The following LRFN5 variants were observed in gnomAD, a reference collection of about 807,000 sequenced individuals.
The protein encoded by LRFN5 is leucine rich repeat and fibronectin type III domain containing 5.
Under a neutral mutation model 45.6 loss-of-function variants are expected in LRFN5, and 24 were observed. The ratio of observed to expected loss-of-function variants is 0.53; its 90% CI spans 0.38 to 0.74. LRFN5 has a LOEUF of 0.74. Ranked by LOEUF, LRFN5 falls within the 30% of genes least tolerant of loss-of-function variation. The pLI, the probability that LRFN5 is intolerant of heterozygous loss-of-function variation, is 0.00. For missense variants in LRFN5, 776 were observed against 861.5 expected (o/e 0.90, Z 1.24); for synonymous variants, 340 against 313.8 (o/e 1.08, Z -0.88).
At chr14:41,729,318 A>G (rs1884069847) in intron 1 of LRFN5, among the ~76,000 whole-genome samples, 1 of 152,014 alleles carries the variant, frequency 6.6e-6, no homozygotes, top group African/African-American at 2.4e-5. Flanking sequence ...TCTTGCTCCC[A>G]TTCTTGCCAT....
At chr14:41,828,142 A>C (rs1233115174) in intron 2 of LRFN5, among the ~76,000 whole-genome samples, 1 of 152,022 alleles carries the variant, frequency 6.6e-6, no homozygotes, top group African/African-American at 2.4e-5. Flanking sequence ...ACTTTATGTC[A>C]GTAGAACAGA....
At chr14:41,799,961 A>G (rs967784840) in intron 2 of LRFN5, among the ~76,000 whole-genome samples, 1 of 152,034 alleles carries the variant, frequency 6.6e-6, no homozygotes, top group Non-Finnish European at 1.5e-5. Context: ...AAAGGGAAAG[A>G]AAAAGGAAAA....
At chr14:41,614,160 T>G (rs1347996945) in intron 1 of LRFN5, among the ~76,000 whole-genome samples, 1 of 152,102 alleles carries the variant, frequency 6.6e-6, no homozygotes, top group East Asian at 1.9e-4. Context: ...TTGAATGGTT[T>G]ATTTGCACTT....
intron 2 of LRFN5, among the ~76,000 whole-genome samples, chr14:41,884,287 A>G (rs551633678): frequency 3.4e-4 from 52 of 152,300 alleles, no homozygotes; most frequent in African/African-American, 1.2e-3. Flanking sequence ...TTGTTGTTTT[A>G]TATATTTTTG....
intron 1 of LRFN5, among the ~76,000 whole-genome samples, chr14:41,739,776 TGG>T: frequency 6.8e-6 from 1 of 146,252 alleles, no homozygotes; most frequent in Non-Finnish European, 1.5e-5. Flanking sequence ...AAAGTAAAAT[TGG>T]GGTTTTTTCA....
chr14:41,860,742 A>G (rs1889632376), intron 2 of LRFN5, among the ~76,000 whole-genome samples: 1 of 152,210 alleles, frequency 6.6e-6, no homozygotes, highest in Admixed American at 6.5e-5. Flanking sequence ...AGAAAGACAG[A>G]GAATTGTAAC....
At chr14:41,645,923 A>G (rs866114680) in intron 1 of LRFN5, among the ~76,000 whole-genome samples, 2 of 152,312 alleles carry the variant, frequency 1.3e-5, no homozygotes, top group Middle Eastern at 3.4e-3. Context: ...CTTCATGAAA[A>G]TTAACCCTTC....
chr14:41,882,797 G>T (rs1347621489), intron 2 of LRFN5, among the ~76,000 whole-genome samples: 1 of 146,086 alleles, frequency 6.8e-6, no homozygotes, highest in African/African-American at 2.5e-5. Flanking sequence ...CGATGTCCTA[G>T]TTTCTTTTTT....
At chr14:41,719,893 T>C (rs919904583) in intron 1 of LRFN5, among the ~76,000 whole-genome samples, 1 of 152,072 alleles carries the variant, frequency 6.6e-6, no homozygotes, top group Non-Finnish European at 1.5e-5. Context: ...CTATAAACTT[T>C]CCTCATATAT....
intron 1 of LRFN5, among the ~76,000 whole-genome samples, chr14:41,695,583 T>A (rs1485226107): frequency 1.3e-5 from 2 of 151,956 alleles, no homozygotes; most frequent in Non-Finnish European, 1.5e-5. Flanking sequence ...ATTCTGCAAA[T>A]CCTAAAGCCA....
chr14:41,846,110 A>T (rs1267378649), intron 2 of LRFN5, among the ~76,000 whole-genome samples: 1 of 152,106 alleles, frequency 6.6e-6, no homozygotes, highest in Admixed American at 6.6e-5. Context: ...AAATCCAGCA[A>T]ACTCAAAACT....
intron 5 of LRFN5, among the ~76,000 whole-genome samples, chr14:41,900,962 G>A (rs755764476): frequency 2.6e-5 from 4 of 152,060 alleles, no homozygotes; most frequent in Non-Finnish European, 5.9e-5. Context: ...CAGTCATACT[G>A]AGGTACCTGT....
intron 1 of LRFN5, among the ~76,000 whole-genome samples, chr14:41,668,073 G>A (rs1002166215): frequency 1.3e-5 from 2 of 152,154 alleles, no homozygotes; most frequent in African/African-American, 2.4e-5. Context: ...GGCAATAACA[G>A]TATCTTGCTT....
intron 1 of LRFN5, among the ~76,000 whole-genome samples, chr14:41,612,390 G>T (rs1887787291): frequency 6.6e-6 from 1 of 152,148 alleles, no homozygotes; most frequent in South Asian, 2.1e-4. Flanking sequence ...TTATTTCAGT[G>T]ATTTTTATTT....
intron 1 of LRFN5, among the ~76,000 whole-genome samples, chr14:41,716,407 C>T (rs1883497659): frequency 6.6e-6 from 1 of 152,066 alleles, no homozygotes; most frequent in Admixed American, 6.6e-5. Context: ...AACTGACTGC[C>T]TTTAACAGCA....
intron 1 of LRFN5, among the ~76,000 whole-genome samples, chr14:41,667,940 A>G (rs1414905502): frequency 6.6e-6 from 1 of 152,154 alleles, no homozygotes; most frequent in Non-Finnish European, 1.5e-5. Flanking sequence ...AGATCCCTGC[A>G]TACCAAACCT....
chr14:41,732,950 A>T lies in LRFN5; in HGVS notation c.-196-33904A>T, dbSNP rs1034493709. Reference sequence around the variant, plus strand: ...AAGTACCAGAAAAGAAAAGAAAAAAATTCACTAGAGGGATTTATAGAAAGA... The same window carrying T: ...AAGTACCAGAAAAGAAAAGAAAAAATTTCACTAGAGGGATTTATAGAAAGA... On this transcript the variant is annotated intron_variant, in intron 1 of 5. Coordinates refer to ENST00000298119, the MANE Select transcript of LRFN5 (RefSeq NM_152447.5). Among the ~76,000 whole-genome samples the T allele has an allele frequency of 2.6e-5, 4 of 151,930 alleles. No individual in the cohort carries two copies. The East Asian group carries it at 7.7e-4, about 29-fold the overall frequency.
rs1887500965 is a variant in LRFN5 at position 41,606,889 on chromosome 14, C to G, written c.-1870C>G. ...GCGCCCGCCGCCGCCGCCGCCGCCG[C>G]CTTCATGCTGCAGCGCAGGGCTCAG... On this transcript the variant is annotated 5_prime_UTR_variant, in exon 1 of 6. Transcript: ENST00000298119. Among the ~76,000 whole-genome samples the G allele has an allele frequency of 1.3e-5, 2 of 151,936 alleles. No individual in the cohort carries two copies. The highest frequency in any genetic ancestry group is 2.9e-5 in the Non-Finnish European group (2 of 67,956).
At chr14:41,644,788 A>G (rs1439700515) in intron 1 of LRFN5, among the ~76,000 whole-genome samples, 1 of 152,222 alleles carries the variant, frequency 6.6e-6, no homozygotes, top group Non-Finnish European at 1.5e-5. Context: ...GAGGATCAGA[A>G]CAGATGGATG....
Sources: gnomAD v4.1 joint callset for allele counts (sites outside exome capture counted in the v4.1 genomes callset) on GRCh38, gnomAD v4.1.1 for gene constraint, MANE v1.5 for transcripts, NCBI Gene and HGNC (gene_info 2026-07-23, HGNC 2026-07-21) for gene names.